Variants in ANO3 observed in about 807,000 individuals in gnomAD.
ANO3 encodes the protein anoctamin-3.
Under a neutral mutation model 144.8 loss-of-function variants are expected in ANO3, and 99 were observed. That is an observed-to-expected ratio of 0.68 (90% CI 0.58 to 0.81). The LOEUF is 0.81. Ranked by LOEUF, ANO3 falls within the 30% of genes least tolerant of loss-of-function variation. ANO3 has a pLI of 0.00. For missense variants in ANO3, 905 were observed against 1,202.2 expected (o/e 0.75, Z 3.66); for synonymous variants, 414 against 392.6 (o/e 1.05, Z -0.64).
At chr11:26,387,026 G>A (rs957379942) in intron 1 of ANO3, among the ~76,000 whole-genome samples, 2 of 151,500 alleles carry the variant, frequency 1.3e-5, no homozygotes, top group African/African-American at 4.9e-5. Flanking sequence ...CAGCAGCTCT[G>A]AAAAGACTCG....
At chr11:26,427,387 G>T (rs72886219) in intron 1 of ANO3, 7,982 of 152,290 alleles carry the variant, frequency 0.052, 247 homozygotes, top group African/African-American at 0.081. Flanking sequence ...AGAAGATTGG[G>T]GATATGCTGC....
intron 5 of ANO3, 195 bp downstream of exon 5, chr11:26,508,457 A>G (rs1861521789): frequency 2.3e-6 from 1 of 440,666 alleles, no homozygotes. Flanking sequence ...ATTCTGTACA[A>G]TTTAAGTATT....
At chr11:26,237,030 C>T (rs138214006) in intron 1 of ANO3, among the ~76,000 whole-genome samples, 75 of 152,194 alleles carry the variant, frequency 4.9e-4, no homozygotes, top group African/African-American at 1.7e-3. Context: ...GCCCCTCCTT[C>T]TCCTACAATT....
chr11:26,325,792 A>G (rs1003642769), intron 1 of ANO3, among the ~76,000 whole-genome samples: 1 of 152,204 alleles, frequency 6.6e-6, no homozygotes. Context: ...CAAACCAGCC[A>G]TAAAGATTAT....
At chr11:26,354,217 T>C (rs138079082) in intron 1 of ANO3, among the ~76,000 whole-genome samples, 119 of 152,284 alleles carry the variant, frequency 7.8e-4, no homozygotes, top group Non-Finnish European at 1.5e-3. Context: ...ACGTACAGAA[T>C]TGAAAAAATC....
intron 24 of ANO3, among the ~76,000 whole-genome samples, chr11:26,654,860 T>A (rs1853637536): frequency 6.6e-6 from 1 of 152,226 alleles, no homozygotes; most frequent in Non-Finnish European, 1.5e-5. Flanking sequence ...CATATGATTT[T>A]CTTTTTGTTC....
chr11:26,440,475 G>A (rs1452172259), intron 1 of ANO3, among the ~76,000 whole-genome samples: 1 of 151,704 alleles, frequency 6.6e-6, no homozygotes, highest in Admixed American at 6.6e-5. Context: ...ACCTGGAACT[G>A]GTAAACGAAA....
At chr11:26,658,109 C>G (rs201207971) in intron 26 of ANO3, among the ~76,000 whole-genome samples, 6 of 36,034 alleles carry the variant, frequency 1.7e-4, no homozygotes, top group Admixed American at 1.6e-3. Context: ...TCAGGACTTA[C>G]ACTTGTCTTT....
intron 1 of ANO3, among the ~76,000 whole-genome samples, chr11:26,399,350 A>G (rs1857092731): frequency 6.6e-6 from 1 of 151,970 alleles, no homozygotes; most frequent in South Asian, 2.1e-4. Flanking sequence ...TCTTTCTTAA[A>G]GAATGCTACC....
At chr11:26,362,167 C>G (rs1035270606) in intron 1 of ANO3, among the ~76,000 whole-genome samples, 1 of 152,088 alleles carries the variant, frequency 6.6e-6, no homozygotes, top group Non-Finnish European at 1.5e-5. Context: ...CATAATTGTT[C>G]TCAAGATAGT....
chr11:26,280,895 G>A (rs1042613892), intron 1 of ANO3, among the ~76,000 whole-genome samples: 2 of 152,142 alleles, frequency 1.3e-5, no homozygotes, highest in African/African-American at 4.8e-5. Context: ...AGATTTTATA[G>A]CACAGCAATT....
At chr11:26,335,852 T>G (rs554305505) in intron 1 of ANO3, among the ~76,000 whole-genome samples, 1 of 152,198 alleles carries the variant, frequency 6.6e-6, no homozygotes, top group African/African-American at 2.4e-5. Flanking sequence ...TGACGTTTTG[T>G]TTTTTGGCAG....
chr11:26,298,017 C>T (rs1854133016), intron 1 of ANO3, among the ~76,000 whole-genome samples: 1 of 152,136 alleles, frequency 6.6e-6, no homozygotes, highest in African/African-American at 2.4e-5. Flanking sequence ...TATCTCAATC[C>T]TTGAACATGT....
chr11:26,594,676 G>A (rs986775655), intron 14 of ANO3, among the ~76,000 whole-genome samples: 16 of 152,106 alleles, frequency 1.1e-4, no homozygotes, highest in East Asian at 1.9e-4. Flanking sequence ...TTGAAGGGGG[G>A]TCTTTATTAG....
intron 1 of ANO3, among the ~76,000 whole-genome samples, chr11:26,194,439 GGTGTGTGTGTGTGT>G (rs1161631402): frequency 1.5e-4 from 9 of 60,578 alleles, no homozygotes; most frequent in East Asian, 3.2e-4. Context: ...GGTACATAGT[GGTGTGTGTGTGTGT>G]GTGTGTGTGT....
At chr11:26,299,708 G>A (rs552288053) in intron 1 of ANO3, among the ~76,000 whole-genome samples, 21 of 152,268 alleles carry the variant, frequency 1.4e-4, no homozygotes, top group Non-Finnish European at 2.6e-4. Context: ...TAGGGAGAGA[G>A]CATGTATGGG....
chr11:26,263,596 T>C (rs1330451913), intron 1 of ANO3, among the ~76,000 whole-genome samples: 1 of 152,254 alleles, frequency 6.6e-6, no homozygotes, highest in Non-Finnish European at 1.5e-5. Context: ...TTATTTGTAA[T>C]ACTAAGATGA....
intron 1 of ANO3, among the ~76,000 whole-genome samples, chr11:26,232,214 T>C (rs1852415262): frequency 6.6e-6 from 1 of 152,156 alleles, no homozygotes; most frequent in African/African-American, 2.4e-5. Context: ...TGTTACAATA[T>C]GAACCCATGA....
intron 1 of ANO3, among the ~76,000 whole-genome samples, chr11:26,335,399 T>C (rs1234286428): frequency 6.6e-6 from 1 of 150,490 alleles, no homozygotes; most frequent in Admixed American, 6.6e-5. Context: ...TTTCTTGCCT[T>C]TTTTTTTCTT....
Sources: allele counts gnomAD v4.1 joint callset (sites outside exome capture counted in the v4.1 genomes callset), GRCh38; gene constraint gnomAD v4.1.1; transcripts MANE v1.5; gene names NCBI Gene and HGNC (gene_info 2026-07-23, HGNC 2026-07-21).